Variants in RPH3AL observed in about 807,000 individuals in gnomAD.
RPH3AL encodes rab effector Noc2.
In RPH3AL, 38 loss-of-function variants were observed where a neutral mutation model predicts 43.1. The observed-to-expected ratio is 0.88, with a 90% CI of 0.68 to 1.15. RPH3AL has a LOEUF of 1.15. RPH3AL is among the 50% of genes most tolerant of loss of function. The pLI, the probability that RPH3AL is intolerant of heterozygous loss-of-function variation, is 0.00. For missense variants in RPH3AL, 462 were observed against 423.2 expected (o/e 1.09, Z -0.81); for synonymous variants, 189 against 176.3 (o/e 1.07, Z -0.57).
intron 5 of RPH3AL, among the ~76,000 whole-genome samples, chr17:285,722 T>C (rs1239254973): frequency 1.3e-5 from 2 of 152,202 alleles, no homozygotes; most frequent in African/African-American, 4.8e-5. Flanking sequence ...CGTGAGGTTC[T>C]GCAGGACGGC....
intron 6 of RPH3AL, among the ~76,000 whole-genome samples, chr17:262,301 C>T (rs2042215506): frequency 6.6e-6 from 1 of 152,126 alleles, no homozygotes; most frequent in Admixed American, 6.5e-5. Context: ...TCACTGCAAC[C>T]TCCGCCTCCC....
chr17:315,594 C>G (rs2044000285), intron 5 of RPH3AL, among the ~76,000 whole-genome samples: 1 of 141,040 alleles, frequency 7.1e-6, no homozygotes, highest in African/African-American at 2.5e-5. Flanking sequence ...AGTCCCTGTG[C>G]TCCACCTCCA....
rs1393160715 is a variant in RPH3AL at position 336,507 on chromosome 17, C to T, written c.-212-2573G>A. On this transcript the variant is annotated intron_variant, in intron 1 of 9. Transcript: ENST00000331302. Reference sequence around the variant, plus strand: ...AGGTCTGCCTGCTCGGGGCGGCTCCCCCTCCTCCCAGCTCCGATGCTCCTC... The same window carrying T: ...AGGTCTGCCTGCTCGGGGCGGCTCCTCCTCCTCCCAGCTCCGATGCTCCTC... Among the ~76,000 whole-genome samples, 4 of 152,266 alleles carry T rather than the reference C, an allele frequency of 2.6e-5. No homozygotes were observed. In the East Asian group the frequency reaches 5.8e-4, roughly 22 times the overall value.
intron 6 of RPH3AL, among the ~76,000 whole-genome samples, chr17:272,680 A>G (rs1046740184): frequency 2.0e-5 from 3 of 151,026 alleles, no homozygotes; most frequent in African/African-American, 4.9e-5. Flanking sequence ...TGGGTGCAGC[A>G]CACCAACATG....
At chr17:349,261 G>T (rs1037466200) in intron 1 of RPH3AL, 1 of 152,076 alleles carries the variant, frequency 6.6e-6, no homozygotes, top group Non-Finnish European at 1.5e-5. Context: ...AACTCGCCTG[G>T]GCAGGTTAGT....
intron 5 of RPH3AL, among the ~76,000 whole-genome samples, chr17:316,473 C>G (rs1232218540): frequency 1.3e-5 from 2 of 150,960 alleles, no homozygotes; most frequent in African/African-American, 4.9e-5. Context: ...CCTGTAGTCT[C>G]TGTGCCCCAC....
intron 1 of RPH3AL, among the ~76,000 whole-genome samples, chr17:345,295 A>C (rs1044166237): frequency 3.7e-5 from 5 of 135,232 alleles, no homozygotes; most frequent in African/African-American, 1.3e-4. Flanking sequence ...CAAACAAACA[A>C]ACAGAACACC....
At chr17:258,974 T>C (rs2042137053) in intron 6 of RPH3AL, among the ~76,000 whole-genome samples, 1 of 152,032 alleles carries the variant, frequency 6.6e-6, no homozygotes, top group Admixed American at 6.5e-5. Flanking sequence ...CTTCATACGA[T>C]TCACCCCAAT....
intron 5 of RPH3AL, among the ~76,000 whole-genome samples, chr17:285,497 C>T (rs766367698): frequency 3.5e-4 from 53 of 152,198 alleles, no homozygotes; most frequent in Non-Finnish European, 6.0e-4. Flanking sequence ...CCCCTCGTAC[C>T]GTGTTCTGCA....
At chr17:296,949 C>T (rs373873892) in intron 5 of RPH3AL, among the ~76,000 whole-genome samples, 10 of 152,236 alleles carry the variant, frequency 6.6e-5, no homozygotes, top group South Asian at 2.1e-4. Flanking sequence ...GGCTGGGTCT[C>T]GTGGGGCATT....
At chr17:303,609 GAT>G (rs2043390732) in intron 5 of RPH3AL, among the ~76,000 whole-genome samples, 1 of 9,150 alleles carries the variant, frequency 1.1e-4, no homozygotes, top group Admixed American at 9.5e-4. Context: ...TCAGGAAAGA[GAT>G]GGGGAGGGAG....
intron 4 of RPH3AL, among the ~76,000 whole-genome samples, chr17:320,643 A>G (rs8064855): frequency 2.1e-4 from 31 of 149,742 alleles, no homozygotes; most frequent in Non-Finnish European, 4.3e-4. Flanking sequence ...TGTCCCCCCC[A>G]AAAAAAAAAG....
chr17:331,269 G>C, intron 2 of RPH3AL: 1 of 237,504 alleles, frequency 4.2e-6, no homozygotes, highest in Non-Finnish European at 8.6e-6. Context: ...GCCAAATGCT[G>C]CAGAGATGAA....
intron 4 of RPH3AL, among the ~76,000 whole-genome samples, chr17:320,648 A>T (rs1243519863): frequency 6.6e-6 from 1 of 152,212 alleles, no homozygotes; most frequent in Non-Finnish European, 1.5e-5. Flanking sequence ...CCCCCAAAAA[A>T]AAAAGAAAAG....
intron 5 of RPH3AL, among the ~76,000 whole-genome samples, chr17:307,785 C>T (rs150133502): frequency 9.4e-4 from 143 of 152,324 alleles, no homozygotes; most frequent in African/African-American, 3.1e-3. Context: ...GGCTCAGCAC[C>T]GCACAAGATA....
intron 5 of RPH3AL, among the ~76,000 whole-genome samples, chr17:307,792 G>C (rs1255687666): frequency 2.6e-5 from 4 of 152,232 alleles, no homozygotes; most frequent in African/African-American, 9.6e-5. Flanking sequence ...CACCGCACAA[G>C]ATAGCTGCTC....
At chr17:316,380 T>A (rs1209989861) in intron 5 of RPH3AL, among the ~76,000 whole-genome samples, 5 of 83,610 alleles carry the variant, frequency 6.0e-5, no homozygotes, top group Non-Finnish European at 1.2e-4. Context: ...ACCTGTAGTC[T>A]CTCTGCACCC....
At chr17:262,825 T>A (rs564286434) in intron 6 of RPH3AL, among the ~76,000 whole-genome samples, 24 of 152,258 alleles carry the variant, frequency 1.6e-4, no homozygotes, top group Non-Finnish European at 2.1e-4. Context: ...GGACAGCCCC[T>A]ATGCCACAAA....
At chr17:281,965 T>G (rs12451279) in intron 5 of RPH3AL, 111 bp from the exon 6 acceptor site, 257,535 of 792,744 alleles carry the variant, frequency 0.32, 48,858 homozygotes, top group East Asian at 0.79. Flanking sequence ...GGAGCGTCTC[T>G]TGCTTCAGGA....
Sources: gnomAD v4.1 joint callset for allele counts (sites outside exome capture counted in the v4.1 genomes callset) on GRCh38, gnomAD v4.1.1 for gene constraint, MANE v1.5 for transcripts, NCBI Gene and HGNC (gene_info 2026-07-23, HGNC 2026-07-21) for gene names.